CALN1: variants seen among roughly 807,000 people sequenced by gnomAD.
CALN1 encodes calcium-binding protein 8.
Under a neutral mutation model 30.6 loss-of-function variants are expected in CALN1, and 17 were observed. That is an observed-to-expected ratio of 0.56 (90% CI 0.38 to 0.83). The LOEUF (loss-of-function observed/expected upper bound fraction) is 0.83. Ranked by LOEUF, CALN1 falls within the 40% of genes least tolerant of loss-of-function variation. The pLI is 0.00. For missense variants in CALN1, 291 were observed against 354.9 expected (o/e 0.82, Z 1.45); for synonymous variants, 156 against 131.4 (o/e 1.19, Z -1.28).
chr7:72,323,011 G>A (rs1434831328), intron 2 of CALN1, among the ~76,000 whole-genome samples: 2 of 148,542 alleles, frequency 1.3e-5, no homozygotes, highest in African/African-American at 2.5e-5. Context: ...GAGGGGAGGG[G>A]AGGGGAAGGC....
chr7:72,029,985 T>C (rs1801332262), intron 4 of CALN1, among the ~76,000 whole-genome samples: 1 of 152,182 alleles, frequency 6.6e-6, no homozygotes, highest in African/African-American at 2.4e-5. Context: ...GACTGAGCCC[T>C]TGACCTGAGG....
At chr7:72,287,435 ATTTTTTTTTTT>A (rs71069052) in intron 2 of CALN1, among the ~76,000 whole-genome samples, 2 of 68,040 alleles carry the variant, frequency 2.9e-5, no homozygotes, top group South Asian at 7.8e-4. Flanking sequence ...CACCAAATTA[ATTTTTTTTTTT>A]TTTTTTTTTT....
At chr7:72,456,487 A>ATGAC in the CALN1 span, among the ~76,000 whole-genome samples, 1 of 152,192 alleles carries the variant, frequency 6.6e-6, no homozygotes, top group African/African-American at 2.4e-5. Context: ...GCAGTGAACT[A>ATGAC]TGACTGCACC....
intron 6 of CALN1, among the ~76,000 whole-genome samples, chr7:71,788,709 G>C (rs967845649): frequency 2.1e-4 from 32 of 151,928 alleles, no homozygotes; most frequent in African/African-American, 6.3e-4. Flanking sequence ...CCAGGCTGGA[G>C]TGCAGTGGCA....
At chr7:72,227,413 G>A (rs187036533) in intron 3 of CALN1, among the ~76,000 whole-genome samples, 5 of 151,900 alleles carry the variant, frequency 3.3e-5, no homozygotes, top group Admixed American at 6.6e-5. Context: ...GGTGACGGGC[G>A]CCTGTAATCC....
intron 5 of CALN1, among the ~76,000 whole-genome samples, chr7:71,850,713 G>C (rs1790589118): frequency 6.6e-6 from 1 of 152,178 alleles, no homozygotes; most frequent in African/African-American, 2.4e-5. Flanking sequence ...GCAGGTAGTG[G>C]TAATGAGGTG....
At chr7:71,900,462 T>A (rs1382459370) in intron 5 of CALN1, among the ~76,000 whole-genome samples, 1 of 152,190 alleles carries the variant, frequency 6.6e-6, no homozygotes, top group Non-Finnish European at 1.5e-5. Context: ...TCAGTAAGGT[T>A]TCAGGATACA....
intron 5 of CALN1, among the ~76,000 whole-genome samples, chr7:71,873,806 G>C (rs140850976): frequency 9.3e-4 from 142 of 152,232 alleles, no homozygotes; most frequent in African/African-American, 3.3e-3. Flanking sequence ...TTATTCTACA[G>C]GGGAAAAATG....
At chr7:72,371,212 T>C (rs1376640021) in intron 2 of CALN1, among the ~76,000 whole-genome samples, 2 of 152,214 alleles carry the variant, frequency 1.3e-5, no homozygotes, top group Non-Finnish European at 2.9e-5. Flanking sequence ...TATGATATCA[T>C]GCTTTACATT....
intron 3 of CALN1, among the ~76,000 whole-genome samples, chr7:72,140,063 G>A (rs1161440518): frequency 6.6e-6 from 1 of 151,930 alleles, no homozygotes; most frequent in Non-Finnish European, 1.5e-5. Context: ...TTCAGGCCAG[G>A]AGTTTGAAAC....
chr7:71,929,223 C>CA (rs1795426428), intron 5 of CALN1, among the ~76,000 whole-genome samples: 1 of 152,160 alleles, frequency 6.6e-6, no homozygotes, highest in Non-Finnish European at 1.5e-5. Context: ...ATCATCCCAT[C>CA]ACCTAGATAT....
intron 5 of CALN1, among the ~76,000 whole-genome samples, chr7:71,999,517 G>C (rs1799419363): frequency 6.6e-6 from 1 of 151,746 alleles, no homozygotes; most frequent in South Asian, 2.1e-4. Flanking sequence ...AGCAGCATAT[G>C]CATTTTTTTT....
chr7:72,300,073 G>A (rs1253923243), intron 2 of CALN1, among the ~76,000 whole-genome samples: 1 of 151,754 alleles, frequency 6.6e-6, no homozygotes, highest in African/African-American at 2.4e-5. Flanking sequence ...ACAGAGATAG[G>A]GTTTCACCAT....
At chr7:72,496,040 T>G in the CALN1 span, among the ~76,000 whole-genome samples, 1 of 152,082 alleles carries the variant, frequency 6.6e-6, no homozygotes, top group Non-Finnish European at 1.5e-5. Flanking sequence ...CCTGCCTCAG[T>G]CTCCCAAGTA....
At position 72,075,021 on chromosome 7, in the gene CALN1, T is replaced by C. The variant is rs113344316; in HGVS notation, c.388+31130A>G. On this transcript the variant is annotated intron_variant, in intron 4 of 6. Coordinates refer to ENST00000395275, the MANE Select transcript of CALN1 (RefSeq NM_031468.4). ...CACATTGGAGACCCAGGAGAGCTGA[T>C]GGTGTCATTCCAGTCCAAAAGTCTC... Among the ~76,000 whole-genome samples the C allele has an allele frequency of 5.1e-3, 782 of 152,298 alleles. 5 individuals carry two copies. The highest frequency in any genetic ancestry group is 0.018 in the African/African-American group (738 of 41,560).
At chr7:71,837,173 A>G in intron 5 of CALN1, among the ~76,000 whole-genome samples, 1 of 138,300 alleles carries the variant, frequency 7.2e-6, no homozygotes, top group Non-Finnish European at 1.5e-5. Flanking sequence ...CAGAGGTTGC[A>G]GTGAGCTGAG....
chr7:71,813,930 C>CAAAA (rs540550294), intron 5 of CALN1, among the ~76,000 whole-genome samples: 11 of 68,534 alleles, frequency 1.6e-4, no homozygotes, highest in East Asian at 3.4e-4. Context: ...GACTCTGTTG[C>CAAAA]AAAAAAAAAA....
At chr7:72,362,084 C>T (rs1803607072) in intron 2 of CALN1, among the ~76,000 whole-genome samples, 1 of 152,020 alleles carries the variant, frequency 6.6e-6, no homozygotes, top group African/African-American at 2.4e-5. Flanking sequence ...CCATTTCTTC[C>T]TTGGACAGGT....
chr7:72,109,607 A>G (rs1269988097), intron 3 of CALN1, among the ~76,000 whole-genome samples: 2 of 152,198 alleles, frequency 1.3e-5, no homozygotes, highest in South Asian at 2.1e-4. Context: ...TAAAACAGCC[A>G]TATGTTTTCC....
Sources: allele counts gnomAD v4.1 joint callset (sites outside exome capture counted in the v4.1 genomes callset), GRCh38; gene constraint gnomAD v4.1.1; transcripts MANE v1.5; gene names NCBI Gene and HGNC (gene_info 2026-07-23, HGNC 2026-07-21).